The following STMN2 variants were observed in gnomAD, a reference collection of about 807,000 sequenced individuals.
STMN2 encodes the protein stathmin 2, also known as stathmin-2.
Under a neutral mutation model 24.1 loss-of-function variants are expected in STMN2, and 2 were observed. That is an observed-to-expected ratio of 0.08 (90% CI 0.03 to 0.26). The LOEUF (loss-of-function observed/expected upper bound fraction) is 0.26. Among genes scored for constraint, STMN2 ranks in the 10% least tolerant of loss-of-function variants. STMN2 has a pLI of 1.00. For synonymous variants in STMN2, 83 were observed against 77.5 expected (o/e 1.07, Z -0.37); for missense variants, 114 against 213.6 (o/e 0.53, Z 2.91).
intron 3 of STMN2, among the ~76,000 whole-genome samples, chr8:79,642,842 G>A (rs2130362400): frequency 6.6e-6 from 1 of 150,378 alleles, no homozygotes; most frequent in South Asian, 2.1e-4. Flanking sequence ...TCACCTAAGA[G>A]TGATGTTCTC....
intron 1 of STMN2, among the ~76,000 whole-genome samples, chr8:79,631,780 A>G (rs1364643653): frequency 1.3e-5 from 2 of 152,234 alleles, no homozygotes; most frequent in Non-Finnish European, 2.9e-5. Context: ...ACCTTGAGTT[A>G]TAGTGCCCCA....
At chr8:79,643,473 C>T (rs1404202667) in intron 3 of STMN2, among the ~76,000 whole-genome samples, 1 of 151,820 alleles carries the variant, frequency 6.6e-6, no homozygotes, top group Admixed American at 6.6e-5. Flanking sequence ...AGTCATAGGT[C>T]GACATATATT....
At position 79,656,436 on chromosome 8, in the gene STMN2, C is replaced by T. The variant is rs557917060; in HGVS notation, c.480+1374C>T. On this transcript the variant is annotated intron_variant, in intron 4 of 4. Coordinates refer to ENST00000220876, the MANE Select transcript of STMN2 (RefSeq NM_007029.4). ...CGTTTCACCCAAGTGAGTCAAGTCA[C>T]GATTTGGAAGAGGCAACAGAATTTG... Among the ~76,000 whole-genome samples, 6 of 152,256 alleles carry T rather than the reference C, an allele frequency of 3.9e-5. No homozygotes were observed. The East Asian group carries it at 7.7e-4, about 20-fold the overall frequency.
At chr8:79,636,498 C>T (rs1418251303) in intron 1 of STMN2, among the ~76,000 whole-genome samples, 1 of 152,178 alleles carries the variant, frequency 6.6e-6, no homozygotes, top group African/African-American at 2.4e-5. Context: ...TCTGTTTCCT[C>T]TCTCTCCCTC....
chr8:79,612,232 C>G (rs1809253464), intron 1 of STMN2, among the ~76,000 whole-genome samples: 1 of 152,192 alleles, frequency 6.6e-6, no homozygotes, highest in Non-Finnish European at 1.5e-5. Flanking sequence ...CCACTGACCC[C>G]GCCCTCCCCA....
chr8:79,641,623 TG>T, intron 3 of STMN2, 73 bp downstream of exon 3: 1 of 520,998 alleles, frequency 1.9e-6, no homozygotes, highest in Non-Finnish European at 3.0e-6. Flanking sequence ...CGGGCACACA[TG>T]CACGCACACA....
rs374882663 is a variant in STMN2 at position 79,641,343 on chromosome 8, T to C, written c.116-35T>C. ...TAAAATAAACCCATGCTGCAAGCTT[T>C]GTATGCTTAACATTCTCAAATGTTC... On this transcript the variant is annotated intron_variant, in intron 2 of 4. Transcript: ENST00000220876. 2.6e-4 allele frequency: 411 copies of C among 1,598,846 alleles called. 1 individual carries two copies. Among genetic ancestry groups the C allele is most frequent in the Non-Finnish European group, 3.4e-4 (396 of 1,174,128 alleles).
chr8:79,633,404 C>T (rs1335378152), intron 1 of STMN2, among the ~76,000 whole-genome samples: 2 of 152,172 alleles, frequency 1.3e-5, no homozygotes, highest in African/African-American at 2.4e-5. Context: ...GTTTTGTCCC[C>T]AGACCACCTC....
chr8:79,614,196 T>C (rs1436267216), intron 1 of STMN2, among the ~76,000 whole-genome samples: 1 of 152,110 alleles, frequency 6.6e-6, no homozygotes, highest in African/African-American at 2.4e-5. Context: ...TTGCAAATCA[T>C]GAAAAAAACA....
intron 1 of STMN2, among the ~76,000 whole-genome samples, chr8:79,622,663 C>T (rs1809544899): frequency 6.6e-6 from 1 of 152,104 alleles, no homozygotes; most frequent in South Asian, 2.1e-4. Context: ...TCATGTTTCC[C>T]TATCATATTT....
At chr8:79,646,379 T>TG (rs1810218051) in intron 3 of STMN2, among the ~76,000 whole-genome samples, 2 of 151,166 alleles carry the variant, frequency 1.3e-5, no homozygotes, top group South Asian at 4.2e-4. Context: ...CAAAGAGAAC[T>TG]GGGGGTGTGG....
chr8:79,650,879 T>G (rs1359842735), intron 3 of STMN2, among the ~76,000 whole-genome samples: 5 of 152,080 alleles, frequency 3.3e-5, no homozygotes, highest in African/African-American at 1.2e-4. Flanking sequence ...TTTGAGGCTA[T>G]AGTAAACTAA....
At chr8:79,633,058 G>C (rs1296438539) in intron 1 of STMN2, among the ~76,000 whole-genome samples, 1 of 151,916 alleles carries the variant, frequency 6.6e-6, no homozygotes. Flanking sequence ...ATAATCTGCT[G>C]TGCTTTATTC....
Position 79,665,005 on chromosome 8 carries a change from A to C in STMN2, c.*131A>C. The C allele has an allele frequency of 6.2e-6, 5 of 801,236 alleles. No individual in the cohort carries two copies. Among genetic ancestry groups the C allele is most frequent in the East Asian group, 3.6e-5 (1 of 28,100 alleles). 49.6% of individuals were successfully genotyped at this position (801,236 alleles called of 1,614,324 possible). On this transcript the variant is annotated 3_prime_UTR_variant, in exon 5 of 5. Transcript: ENST00000220876. ...AACTCATTATAAAAAAAAAAAAACA[A>C]AAAAAATCAAAAATTAAAAAAAATC...
intron 1 of STMN2, among the ~76,000 whole-genome samples, chr8:79,628,210 C>T (rs1001246558): frequency 6.6e-6 from 1 of 151,992 alleles, no homozygotes; most frequent in East Asian, 1.9e-4. Flanking sequence ...GTCGCCCAGG[C>T]TGGAGTACAG....
intron 2 of STMN2, among the ~76,000 whole-genome samples, chr8:79,637,435 A>ATTAG (rs1293297827): frequency 1.1e-4 from 17 of 152,240 alleles, no homozygotes; most frequent in Admixed American, 1.1e-3. Context: ...AGCCTAAAGA[A>ATTAG]TTAGCATGGC....
At chr8:79,635,976 G>A (rs866695121) in intron 1 of STMN2, among the ~76,000 whole-genome samples, 1 of 152,160 alleles carries the variant, frequency 6.6e-6, no homozygotes, top group African/African-American at 2.4e-5. Context: ...CAGCACTTTG[G>A]GTGGCCAAGG....
intron 3 of STMN2, among the ~76,000 whole-genome samples, chr8:79,651,853 A>G (rs1810339508): frequency 6.6e-6 from 1 of 152,192 alleles, no homozygotes; most frequent in Admixed American, 6.5e-5. Flanking sequence ...GGCTTTCCAA[A>G]TACCAGGTTG....
chr8:79,654,662 C>T lies in STMN2; in HGVS notation c.289-209C>T, dbSNP rs114729849. ...CTTCTAAGACAGTCCGAAATATACT[C>T]ACAGCTGAAAATTCAGCTAACCGCA... is the stretch of plus-strand genomic sequence containing the variant. On this transcript the variant is annotated intron_variant, in intron 3 of 4. Coordinates refer to ENST00000220876, the MANE Select transcript of STMN2 (RefSeq NM_007029.4). Among the ~76,000 whole-genome samples, 242 of 152,322 alleles carry T rather than the reference C, an allele frequency of 1.6e-3. 1 individual carries two copies. The highest frequency in any genetic ancestry group is 5.5e-3 in the African/African-American group (227 of 41,580).
Sources: gnomAD v4.1 joint callset for allele counts (sites outside exome capture counted in the v4.1 genomes callset) on GRCh38, gnomAD v4.1.1 for gene constraint, MANE v1.5 for transcripts, NCBI Gene and HGNC (gene_info 2026-07-23, HGNC 2026-07-21) for gene names.